The following ZMYND8 variants were observed in gnomAD, a reference collection of about 807,000 sequenced individuals.
The protein encoded by ZMYND8 is MYND-type zinc finger-containing chromatin reader ZMYND8.
Under a neutral mutation model 140.8 loss-of-function variants are expected in ZMYND8, and 37 were observed. That is an observed-to-expected ratio of 0.26 (90% CI 0.20 to 0.35). The LOEUF (loss-of-function observed/expected upper bound fraction) is 0.35. Among genes scored for constraint, ZMYND8 ranks in the 10% least tolerant of loss-of-function variants. The probability of loss-of-function intolerance (pLI) is 1.00; values close to 1 mark genes in which losing one functional copy is unlikely to be tolerated. For missense variants in ZMYND8, 1,068 were observed against 1,570.0 expected, an observed-to-expected ratio of 0.68 and a Z score of 5.40; for synonymous variants, 592 against 597.1, an observed-to-expected ratio of 0.99 and a Z score of 0.12.
At chr20:47,351,661 T>C (rs2082791856) in intron 1 of ZMYND8, 1 of 984,410 alleles carries the variant, frequency 1.0e-6, no homozygotes, top group Non-Finnish European at 1.2e-6. Flanking sequence ...TTTTAAGAAA[T>C]TGGGGTGGGG....
chr20:47,323,465 A>T (rs1365307394), intron 2 of ZMYND8, among the ~76,000 whole-genome samples: 1 of 151,996 alleles, frequency 6.6e-6, no homozygotes, highest in African/African-American at 2.4e-5. Flanking sequence ...GGGTCAAGTG[A>T]TCCTCCCACC....
In ZMYND8 at chr20:47,210,873, C is replaced by G. The variant is rs1568858201; in HGVS notation, c.3593G>C (p.Ser1198Thr). 6.2e-7 allele frequency: 1 copy of G among 1,614,006 alleles called. No individual in the cohort carries two copies. Residue 1198 changes from serine to threonine, a missense_variant, in exon 23 of 23, where the codon AGT becomes ACT. By Grantham distance (58) the Ser-to-Thr change is moderately conservative. Transcript: ENST00000471951. ...QKYHSRSNKS[S>T]WSSSDEKRGS... is the part of the protein sequence containing the mutation. ...CCTCTTCTCATCACTGCTGCTCCAA[C>G]TGGATTTATTACTCCGGGAATGGTC... is the stretch of plus-strand genomic sequence containing the variant.
In ZMYND8 at chr20:47,298,741, A is replaced by G; in HGVS notation, c.441T>C (p.Cys147=). ...LTSEPEGDWF[C]PECEKITVAE... is the part of the protein sequence containing the mutation. The stretch of plus-strand genomic sequence containing the variant: ...ATCAGGAACTAACCTCACATTCAGG[A>G]CAAAACCAGTCCCCCTCTGGTTCCG... The change falls in exon 4 of 23, where the codon TGT becomes TGC. Residue 147 remains cysteine, a synonymous_variant. Coordinates refer to ENST00000471951, the MANE Select transcript of ZMYND8 (RefSeq NM_001281775.3). The surrounding 1 kb of genome is among the most constrained non-coding windows in gnomAD (Gnocchi z 5.0). 1 of 1,613,260 alleles carries G rather than the reference A, an allele frequency of 6.2e-7. No individual in the cohort carries two copies.
At chr20:47,255,734 A>G (rs1445720170) in intron 12 of ZMYND8, among the ~76,000 whole-genome samples, 421 of 34,218 alleles carry the variant, frequency 0.012, 17 homozygotes, top group African/African-American at 0.05. Flanking sequence ...ATATATATAT[A>G]TATATATATA....
intron 13 of ZMYND8, among the ~76,000 whole-genome samples, chr20:47,247,568 C>A (rs973642825): frequency 2.6e-5 from 4 of 152,218 alleles, no homozygotes; most frequent in Non-Finnish European, 5.9e-5. Flanking sequence ...CTGCCCCCAA[C>A]CATATGTTAT....
chr20:47,281,343 G>C (rs769189906), intron 10 of ZMYND8, among the ~76,000 whole-genome samples: 23 of 152,176 alleles, frequency 1.5e-4, no homozygotes, highest in Non-Finnish European at 3.2e-4. Flanking sequence ...ATAATTTGTA[G>C]TATATATATT....
At chr20:47,210,982 C>T (rs1046493117) in intron 22 of ZMYND8, 85 bp from the exon 23 acceptor site, 30 of 1,535,256 alleles carry the variant, frequency 2.0e-5, no homozygotes, top group Non-Finnish European at 2.6e-5. Flanking sequence ...GCCCCTCCTG[C>T]ACAGGAAACC....
chr20:47,282,170 G>A lies in ZMYND8; in HGVS notation c.930C>T (p.Phe310=). 6.2e-7 allele frequency: 1 copy of A among 1,614,154 alleles called. No homozygotes were observed. The highest frequency in any genetic ancestry group is 8.5e-7 in the Non-Finnish European group (1 of 1,180,028). ...LVWAKLKGFP[F]WPAKALRDKD... The stretch of plus-strand genomic sequence containing the variant: ...TATCCCTTAGAGCTTTTGCAGGCCA[G>A]AATGGAAACCCCTTCAGTTTGGCCC... The change falls in exon 10 of 23, where the codon TTC becomes TTT. Residue 310 remains phenylalanine, a synonymous_variant. Transcript: ENST00000471951.
At chr20:47,310,493 T>G (rs1035457978) in intron 2 of ZMYND8, among the ~76,000 whole-genome samples, 1 of 152,140 alleles carries the variant, frequency 6.6e-6, no homozygotes, top group East Asian at 1.9e-4. Flanking sequence ...TTTTTCACTT[T>G]TCTTAAAAAA....
intron 2 of ZMYND8, among the ~76,000 whole-genome samples, chr20:47,314,515 C>T (rs901787534): frequency 1.2e-4 from 18 of 152,150 alleles, no homozygotes; most frequent in African/African-American, 4.3e-4. Context: ...CAAAACAAAA[C>T]AAAAAGAATG....
chr20:47,334,624 A>G (rs936654101), intron 2 of ZMYND8, among the ~76,000 whole-genome samples: 3 of 149,620 alleles, frequency 2.0e-5, no homozygotes, highest in Non-Finnish European at 4.4e-5. Flanking sequence ...ATATATATAT[A>G]TATTTTAGGC....
intron 2 of ZMYND8, among the ~76,000 whole-genome samples, chr20:47,339,530 G>A (rs901940996): frequency 3.9e-5 from 6 of 151,956 alleles, no homozygotes; most frequent in Admixed American, 2.6e-4. Flanking sequence ...AGGCTGGAGT[G>A]CAGTGGCGCA....
rs1018345591 is a variant in ZMYND8, at chr20:47,238,566, T to G, written c.2665+192A>C. 5 of 1,120,852 alleles carry G rather than the reference T, an allele frequency of 4.5e-6. No individual in the cohort carries two copies. The African/African-American group carries it at 4.8e-5, about 11-fold the overall frequency. The allele number at this position is 1,120,852 out of a possible 1,614,324, so 69.4% of individuals were successfully genotyped here. ...TATAAAATGAACAAAAAAAACTTTT[T>G]GAAAGTAAAAAAGCAAGTAGCAAAA... On this transcript the variant is annotated intron_variant, in intron 15 of 22. Transcript: ENST00000471951.
At chr20:47,256,088 C>T (rs894273673) in intron 12 of ZMYND8, among the ~76,000 whole-genome samples, 2 of 150,906 alleles carry the variant, frequency 1.3e-5, no homozygotes, top group African/African-American at 4.9e-5. Flanking sequence ...AAAAAAAAGA[C>T]AGATTTTTGT....
At chr20:47,340,496 T>C (rs2081762357) in intron 2 of ZMYND8, among the ~76,000 whole-genome samples, 1 of 138,972 alleles carries the variant, frequency 7.2e-6, no homozygotes, top group African/African-American at 2.6e-5. Flanking sequence ...TTCCATGTCT[T>C]AAAAAAAAAA....
intron 15 of ZMYND8, among the ~76,000 whole-genome samples, chr20:47,236,776 G>A (rs550052769): frequency 2.1e-4 from 32 of 152,278 alleles, no homozygotes; most frequent in African/African-American, 7.2e-4. Context: ...CTCTTAAAGC[G>A]ACTGCCTGGG....
intron 17 of ZMYND8, among the ~76,000 whole-genome samples, chr20:47,228,086 C>T (rs1188344443): frequency 1.4e-5 from 2 of 138,332 alleles, no homozygotes; most frequent in Non-Finnish European, 3.1e-5. Flanking sequence ...GAGCGAGACT[C>T]TTCTCAAAAA....
At chr20:47,294,579 G>C (rs2077523144) in intron 5 of ZMYND8, 87 bp downstream of exon 5, 1 of 1,257,302 alleles carries the variant, frequency 8.0e-7, no homozygotes, top group Non-Finnish European at 1.2e-6. Context: ...GAATACATCA[G>C]GTACCTAAAA....
In ZMYND8 at chr20:47,276,768, G is replaced by A. The variant is rs1000803834; in HGVS notation, c.1026C>T (p.Tyr342=). Residue 342 remains tyrosine, a synonymous_variant, in exon 11 of 23, where the codon TAC becomes TAT. Coordinates refer to ENST00000471951, the MANE Select transcript of ZMYND8 (RefSeq NM_001281775.3). ...DRAWVPINNC[Y]LMSKEIPFSV... is the part of the protein sequence containing the mutation. The stretch of plus-strand genomic sequence containing the variant: ...AAAAAGGAATTTCTTTAGACATGAG[G>A]TAGCAATTATTTATTGGAACCCAGG... The A allele has an allele frequency of 6.2e-7, 1 of 1,611,992 alleles. No individual in the cohort carries two copies.
Sources: allele counts gnomAD v4.1 joint callset (sites outside exome capture counted in the v4.1 genomes callset), GRCh38; gene constraint gnomAD v4.1.1; non-coding constraint Gnocchi (gnomAD v3.1); transcripts MANE v1.5; gene names NCBI Gene and HGNC (gene_info 2026-07-23, HGNC 2026-07-21).